The following DENND1C variants were observed in gnomAD, a reference collection of about 807,000 sequenced individuals.
DENND1C encodes DENN domain-containing protein 1C.
A neutral mutation model predicts 87.9 loss-of-function variants in DENND1C; 64 were observed. That is an observed-to-expected ratio of 0.73 (90% CI 0.60 to 0.90). The LOEUF (loss-of-function observed/expected upper bound fraction) is 0.90. Among genes scored for constraint, DENND1C ranks in the 40% least tolerant of loss-of-function variants. The pLI, the probability that DENND1C is intolerant of heterozygous loss-of-function variation, is 0.00. For missense variants in DENND1C, 980 were observed against 1,037.0 expected (o/e 0.95, Z 0.76); for synonymous variants, 384 against 424.4 (o/e 0.90, Z 1.17).
At position 6,468,411 on chromosome 19, in the gene DENND1C, C is replaced by A. The variant is rs755147292; in HGVS notation, c.1614G>T (p.Gly538=). The change falls in exon 22 of 23, where the codon GGG becomes GGT. Residue 538 remains glycine, a synonymous_variant. Coordinates refer to ENST00000381480, the MANE Select transcript of DENND1C (RefSeq NM_024898.4). ...GTPPLSPEDE[G]CPWAEEALDS... is the part of the protein sequence containing the mutation. ...CCAGAGCTTCTTCTGCCCACGGGCACCCCTCATCCTCAGGGCTCAGTGGGG... is the reference window on the plus strand; with the variant it reads ...CCAGAGCTTCTTCTGCCCACGGGCAACCCTCATCCTCAGGGCTCAGTGGGG... 3.5e-5 allele frequency: 56 copies of A among 1,613,506 alleles called. No individual in the cohort carries two copies. In the Admixed American group the frequency reaches 9.0e-4, roughly 26 times the overall value.
intron 11 of DENND1C, 27 bp downstream of exon 11, chr19:6,475,810 C>G: frequency 6.6e-7 from 1 of 1,522,342 alleles, no homozygotes; most frequent in Non-Finnish European, 8.8e-7. Flanking sequence ...CCCACAGGCC[C>G]TGCCCCTCCC....
intron 1 of DENND1C, 69 bp downstream of exon 1, chr19:6,481,610 C>T: frequency 6.2e-7 from 1 of 1,605,150 alleles, no homozygotes; most frequent in Non-Finnish European, 8.5e-7. Flanking sequence ...GCCCCAGCTC[C>T]CCTCTGCCCC....
At chr19:6,474,897 C>T (rs1724823287) in intron 14 of DENND1C, among the ~76,000 whole-genome samples, 1 of 151,994 alleles carries the variant, frequency 6.6e-6, no homozygotes, top group African/African-American at 2.4e-5. Context: ...GGAGAAACCC[C>T]GTTTTTACTA....
chr19:6,476,806 G>T lies in DENND1C; in HGVS notation c.678+51C>A, dbSNP rs1010748741. On this transcript the variant is annotated intron_variant, in intron 10 of 22. Coordinates refer to ENST00000381480, the MANE Select transcript of DENND1C (RefSeq NM_024898.4). ...AATCAGCCCCCTTGTCCCGCCCCCC[G>T]GGGCGGAGCCAGGCCCTGCTCCCAC... is the stretch of plus-strand genomic sequence containing the variant. 3.9e-6 allele frequency: 6 copies of T among 1,555,912 alleles called. No homozygotes were observed. The African/African-American group carries it at 8.2e-5, about 21-fold the overall frequency.
In DENND1C at chr19:6,467,818, T is replaced by G; in HGVS notation, c.2092A>C (p.Asn698His). The G allele has an allele frequency of 6.5e-7, 1 of 1,547,058 alleles. No individual in the cohort carries two copies. The highest frequency in any genetic ancestry group is 8.7e-7 in the Non-Finnish European group (1 of 1,148,996). The change falls in exon 23 of 23, where the codon AAC becomes CAC. Residue 698 changes from asparagine (N) to histidine (H), a missense_variant. Physicochemically the swap from Asn to His is moderately conservative, Grantham distance 68. Transcript: ENST00000381480. The stretch of plus-strand genomic sequence containing the variant: ...GCAGTGGAGAGCCAGGGAGTGGGGT[T>G]TTCCTGGGCTGTAGAATCTTCAGCT... ...KAAEDSTAQE[N>H]PTPWLSTAPT...
Position 6,467,783 on chromosome 19 carries a change from C to A in DENND1C, c.2127G>T (p.Glu709Asp). The change falls in exon 23 of 23, where the codon GAG becomes GAT. Residue 709 changes from glutamate to aspartate, a missense_variant. Physicochemically the swap from Glu to Asp is conservative, Grantham distance 45. Coordinates refer to ENST00000381480, the MANE Select transcript of DENND1C (RefSeq NM_024898.4). ...TTTGGGGGCTTTCTGGAGGGCTGGG[C>A]TCAGTGGGTGCAGTGGAGAGCCAGG... ...PTPWLSTAPT[E>D]PSPPESPQIL... is the part of the protein sequence containing the mutation. The A allele has an allele frequency of 6.6e-7, 1 of 1,526,708 alleles. No individual in the cohort carries two copies. The allele number at this position is 1,526,708 out of a possible 1,614,324, so 94.6% of individuals were successfully genotyped here. A position where few individuals can be genotyped will look rare whatever the true frequency, so the allele number is the denominator to read the frequency against.
chr19:6,476,204 C>T (rs757588836), intron 10 of DENND1C: 112 of 463,724 alleles, frequency 2.4e-4, no homozygotes, highest in South Asian at 6.3e-4. Flanking sequence ...CCTGAGTCTT[C>T]CCCATGCAGG....
At position 6,476,627 on chromosome 19, in the gene DENND1C, T is replaced by C. The variant is rs1472360536; in HGVS notation, c.678+230A>G. ...GAGCCAGACGTGTTGCGGCCCATAG[T>C]GGGTGGAGCCTGAGCACAGTACTCC... On this transcript the variant is annotated intron_variant, in intron 10 of 22. Coordinates refer to ENST00000381480, the MANE Select transcript of DENND1C (RefSeq NM_024898.4). 5.7e-6 allele frequency: 3 copies of C among 524,724 alleles called. No homozygotes were observed. The African/African-American group carries it at 5.8e-5, about 10-fold the overall frequency. The allele number at this position is 524,724 out of a possible 1,614,324, so 32.5% of individuals were successfully genotyped here. A position where few individuals can be genotyped will look rare whatever the true frequency, so the allele number is the denominator to read the frequency against.
At chr19:6,476,834 C>A in intron 10 of DENND1C, 23 bp downstream of exon 10, 1 of 1,601,466 alleles carries the variant, frequency 6.2e-7, no homozygotes, top group Non-Finnish European at 8.5e-7. Flanking sequence ...GCTCCCACCC[C>A]GGCCCGGCGG....
At chr19:6,478,654 A>T (rs2092877464) in intron 6 of DENND1C, 129 bp downstream of exon 6, 1 of 1,140,698 alleles carries the variant, frequency 8.8e-7, no homozygotes, top group Admixed American at 2.4e-5. Flanking sequence ...CGGCCTCCCA[A>T]AATGCAGGGA....
In DENND1C at chr19:6,477,476, G is replaced by A. The variant is rs1279388140; in HGVS notation, c.367-18C>T. 6 of 1,609,690 alleles carry A rather than the reference G, an allele frequency of 3.7e-6. No individual in the cohort carries two copies. In the African/African-American group the frequency reaches 8.0e-5, roughly 22 times the overall value. On this transcript the variant is annotated intron_variant, in intron 6 of 22. Transcript: ENST00000381480. ...TCGGTGACCTGGGTGGGACGTGGAG[G>A]GGCGGGGGTGGCTGAGCCAGATGTG...
intron 10 of DENND1C, 47 bp from the exon 11 acceptor site, chr19:6,475,984 C>T (rs2092857705): frequency 2.7e-6 from 4 of 1,474,976 alleles, no homozygotes; most frequent in Admixed American, 5.3e-5. Flanking sequence ...GACCCTCTAG[C>T]GCGAGGTCTC....
At position 6,468,347 on chromosome 19, in the gene DENND1C, A is replaced by G. The variant is rs1366184686; in HGVS notation, c.1678T>C (p.Leu560=). ...CTAAGACTGTCCAGAATCTCGCTCA[A>G]CAAATCCAGTTCTTCTCCAGACCCC... ...FLGSGEELDL[L]SEILDSLSMG... The change falls in exon 22 of 23, where the codon TTG becomes CTG. Residue 560 remains leucine (L), a synonymous_variant. Coordinates refer to ENST00000381480, the MANE Select transcript of DENND1C (RefSeq NM_024898.4). The G allele has an allele frequency of 1.9e-6, 3 of 1,613,870 alleles. No individual in the cohort carries two copies. Among genetic ancestry groups the G allele is most frequent in the East Asian group, 4.5e-5 (2 of 44,872 alleles).
At position 6,480,025 on chromosome 19, in the gene DENND1C, C is replaced by G; in HGVS notation, c.44G>C (p.Trp15Ser). 1 of 1,610,300 alleles carries G rather than the reference C, an allele frequency of 6.2e-7. No homozygotes were observed. Among genetic ancestry groups the G allele is most frequent in the South Asian group, 1.1e-5 (1 of 90,320 alleles). Residue 15 changes from tryptophan (W) to serine (S), a missense_variant, in exon 2 of 23, where the codon TGG becomes TCG. Transcript: ENST00000381480. The part of the protein sequence containing the change: ...AEGGSPAVFD[W>S]FFEAACPASL... ...GGCAGGGCAGGCCGCTTCGAAGAAC[C>G]AATCAAACACAGCAGGGGAGCCCCC...
At chr19:6,479,584 A>C in intron 4 of DENND1C, 85 bp downstream of exon 4, 1 of 1,557,956 alleles carries the variant, frequency 6.4e-7, no homozygotes, top group Non-Finnish European at 8.8e-7. Context: ...GGGTTTCCAG[A>C]TGTCTGAGTC....
At chr19:6,471,540 T>A in intron 15 of DENND1C, 44 bp from the exon 16 acceptor site, 1 of 1,480,848 alleles carries the variant, frequency 6.8e-7, no homozygotes, top group Non-Finnish European at 9.0e-7. Context: ...GAGACACATC[T>A]GAATGCCAGC....
chr19:6,477,031 T>C, intron 9 of DENND1C, 43 bp downstream of exon 9: 1 of 1,613,090 alleles, frequency 6.2e-7, no homozygotes, highest in Non-Finnish European at 8.5e-7. Flanking sequence ...CCGGTCCGGG[T>C]TTCGGGACCT....
rs1373151191 is a variant in DENND1C at position 6,471,472 on chromosome 19, G to A, written c.1183C>T (p.Leu395Phe). The A allele has an allele frequency of 6.4e-7, 1 of 1,572,702 alleles. No individual in the cohort carries two copies. Among genetic ancestry groups the A allele is most frequent in the Admixed American group, 1.9e-5 (1 of 53,810 alleles). The change falls in exon 16 of 23, where the codon CTC becomes TTC. Residue 395 changes from leucine to phenylalanine, a missense_variant. Coordinates refer to ENST00000381480, the MANE Select transcript of DENND1C (RefSeq NM_024898.4). ...TCTGAGAAGCCCTCCCCCTTGTTGAGCTTCTCCAGCCGGGCTTCGATGAAC... is the reference window on the plus strand; with the variant it reads ...TCTGAGAAGCCCTCCCCCTTGTTGAACTTCTCCAGCCGGGCTTCGATGAAC... Reference protein sequence around the residue: ...KQFIEARLEKLNKGEGFSDQF... With the variant: ...KQFIEARLEKFNKGEGFSDQF...
intron 4 of DENND1C, among the ~76,000 whole-genome samples, chr19:6,479,410 C>A (rs980090972): frequency 6.6e-6 from 1 of 150,556 alleles, no homozygotes; most frequent in African/African-American, 2.5e-5. Context: ...GTCCCTGAGT[C>A]CTTGAGTCTC....
Sources: allele counts gnomAD v4.1 joint callset (sites outside exome capture counted in the v4.1 genomes callset), GRCh38; gene constraint gnomAD v4.1.1; transcripts MANE v1.5; gene names NCBI Gene and HGNC (gene_info 2026-07-23, HGNC 2026-07-21).